The following ZNF214 variants were observed in gnomAD, a reference collection of about 807,000 sequenced individuals.
ZNF214 encodes the protein zinc finger protein 214.
Under a neutral mutation model 53.9 loss-of-function variants are expected in ZNF214, and 43 were observed. That is an observed-to-expected ratio of 0.80 (90% CI 0.63 to 1.03). The LOEUF (loss-of-function observed/expected upper bound fraction) is 1.03, where lower values mean the gene tolerates loss of function less well. ZNF214 is among the 50% of genes least tolerant of loss of function. ZNF214 has a pLI of 0.00. For synonymous variants in ZNF214, 217 were observed against 229.5 expected (o/e 0.95, Z 0.49); for missense variants, 724 against 719.1 (o/e 1.01, Z -0.08).
rs1347189662 is a variant in ZNF214, at chr11:7,014,828, A to C, written c.-21+5245T>G. Among the ~76,000 whole-genome samples, 4 of 151,354 alleles carry C rather than the reference A, an allele frequency of 2.6e-5. No homozygotes were observed. The East Asian group carries it at 7.8e-4, about 29-fold the overall frequency. ...ACAAAAAAAAAAAAAAACAAAAAAA[A>C]AACACTACCCAGGAGGTGGAGGTTG... On this transcript the variant is annotated intron_variant, in intron 1 of 2. Coordinates refer to ENST00000278314, the MANE Select transcript of ZNF214 (RefSeq NM_013249.4).
At chr11:7,006,103 G>A (rs1396175738) in intron 1 of ZNF214, among the ~76,000 whole-genome samples, 1 of 151,966 alleles carries the variant, frequency 6.6e-6, no homozygotes, top group African/African-American at 2.4e-5. Context: ...TCTTTTCGAT[G>A]TGCAAGATTC....
At chr11:7,009,390 C>T (rs1851553588) in intron 1 of ZNF214, among the ~76,000 whole-genome samples, 1 of 152,160 alleles carries the variant, frequency 6.6e-6, no homozygotes. Context: ...AAGATTGAAA[C>T]TAGACCCCTT....
chr11:7,014,951 TC>T (rs1459959950), intron 1 of ZNF214, among the ~76,000 whole-genome samples: 1 of 151,996 alleles, frequency 6.6e-6, no homozygotes, highest in Non-Finnish European at 1.5e-5. Flanking sequence ...ATGGTGAGTG[TC>T]CGTGTTATTA....
chr11:7,014,804 C>CAAAAAAAAAAAAAAAAAAAAAAAA (rs1280725156), intron 1 of ZNF214, among the ~76,000 whole-genome samples: 1 of 64,234 alleles, frequency 1.6e-5, no homozygotes, highest in Non-Finnish European at 3.5e-5. Context: ...CTGTCTCTAA[C>CAAAAAAAAAAAAAAAAAAAAAAAA]AAAAAAAAAA....
At chr11:7,003,178 A>G (rs2133386835) in intron 1 of ZNF214, among the ~76,000 whole-genome samples, 1 of 152,168 alleles carries the variant, frequency 6.6e-6, no homozygotes, top group Non-Finnish European at 1.5e-5. Context: ...AGATAAATAT[A>G]TGTATTAAAA....
At chr11:7,015,087 GA>G (rs1851729077) in intron 1 of ZNF214, among the ~76,000 whole-genome samples, 4 of 118,960 alleles carry the variant, frequency 3.4e-5, no homozygotes, top group African/African-American at 1.2e-4. Context: ...ATAATAATTA[GA>G]ATTTTTTTTT....
At chr11:7,018,545 A>G (rs1235077980) in intron 1 of ZNF214, among the ~76,000 whole-genome samples, 2 of 110,820 alleles carry the variant, frequency 1.8e-5, no homozygotes, top group African/African-American at 7.1e-5. Flanking sequence ...TCTGTTGCCC[A>G]GGTTGGAGTG....
At position 6,998,348 on chromosome 11, in the gene ZNF214, TTCTTAATG is replaced by T. The variant is rs1216777370; in HGVS notation, c.*1506_*1513del. Reference sequence around the variant, plus strand: ...CATATACTTTTAACTCAGAGAAAGTTTCTTAATGTCTTTGATCATTGATTCTATGCCAA... The same window carrying T: ...CATATACTTTTAACTCAGAGAAAGTTTCTTTGATCATTGATTCTATGCCAA... On this transcript the variant is annotated 3_prime_UTR_variant, in exon 3 of 3. Transcript: ENST00000278314. 1.3e-5 allele frequency among the ~76,000 whole-genome samples: 2 copies of T among 151,970 alleles called. No individual in the cohort carries two copies. Among genetic ancestry groups the T allele is most frequent in the African/African-American group, 2.4e-5 (1 of 41,422 alleles).
chr11:6,998,077 ATT>A lies in ZNF214; in HGVS notation c.*1783_*1784del, dbSNP rs139911149. On this transcript the variant is annotated 3_prime_UTR_variant, in exon 3 of 3. Coordinates refer to ENST00000278314, the MANE Select transcript of ZNF214 (RefSeq NM_013249.4). ...CACTGTTTTCTTGCTTATCAAAAATATTTGTTTCCTGCACATATGAAAGACAC... is the reference window on the plus strand; with the variant it reads ...CACTGTTTTCTTGCTTATCAAAAATATGTTTCCTGCACATATGAAAGACAC... 3.0e-3 allele frequency among the ~76,000 whole-genome samples: 459 copies of A among 152,034 alleles called. 4 individuals carry two copies. The highest frequency in any genetic ancestry group is 4.1e-3 in the Non-Finnish European group (276 of 67,882).
rs1176601581 is a variant in ZNF214, at chr11:6,997,256, A to G, written c.*2606T>C. ...AATTAGTGCACTTTTCACCTTTAAAAACATATTGTAGGTACTCCTTTATGT... is the reference window on the plus strand; with the variant it reads ...AATTAGTGCACTTTTCACCTTTAAAGACATATTGTAGGTACTCCTTTATGT... On this transcript the variant is annotated 3_prime_UTR_variant, in exon 3 of 3. Coordinates refer to ENST00000278314, the MANE Select transcript of ZNF214 (RefSeq NM_013249.4). Among the ~76,000 whole-genome samples, 3 of 151,868 alleles carry G rather than the reference A, an allele frequency of 2.0e-5. No homozygotes were observed. Among genetic ancestry groups the G allele is most frequent in the African/African-American group, 7.2e-5 (3 of 41,400 alleles).
chr11:7,002,984 G>C, intron 1 of ZNF214, 129 bp from the exon 2 acceptor site: 1 of 801,198 alleles, frequency 1.2e-6, no homozygotes, highest in Non-Finnish European at 1.8e-6. Context: ...GTAAGGAGAG[G>C]TAATAACAAT....
chr11:7,015,436 G>A (rs1851739716), intron 1 of ZNF214, among the ~76,000 whole-genome samples: 1 of 152,240 alleles, frequency 6.6e-6, no homozygotes, highest in South Asian at 2.1e-4. Flanking sequence ...AAATTAGCCA[G>A]ATGTGGGGCT....
rs1416713090 is a variant in ZNF214, at chr11:7,000,724, T to C, written c.959A>G (p.Asn320Ser). 8 of 1,610,386 alleles carry C rather than the reference T, an allele frequency of 5.0e-6. No individual in the cohort carries two copies. The highest frequency in any genetic ancestry group is 1.1e-5 in the South Asian group (1 of 90,864). ...CTCTTCTGTGTGGACTCTTTGATGA[T>C]TGTGAAGACTAGAGATCTGGCTGAA... ...KSFSQISSLHNHQRVHTEEKF... is the reference protein window; with the variant it reads ...KSFSQISSLHSHQRVHTEEKF... The change falls in exon 3 of 3, where the codon AAT becomes AGT. Residue 320 changes from asparagine (N) to serine (S), a missense_variant. Coordinates refer to ENST00000278314, the MANE Select transcript of ZNF214 (RefSeq NM_013249.4).
chr11:7,002,996 G>T, intron 1 of ZNF214, 141 bp from the exon 2 acceptor site: 1 of 651,454 alleles, frequency 1.5e-6, no homozygotes, highest in East Asian at 3.3e-5. Context: ...AATAACAATA[G>T]TAGTTAAATA....
At chr11:7,004,912 T>C (rs1400543407) in intron 1 of ZNF214, among the ~76,000 whole-genome samples, 2 of 152,106 alleles carry the variant, frequency 1.3e-5, no homozygotes. Context: ...GAGATAATGT[T>C]TGCTGTTTTA....
intron 2 of ZNF214, among the ~76,000 whole-genome samples, 157 bp downstream of exon 2, chr11:7,002,552 T>C (rs964447768): frequency 6.6e-6 from 1 of 152,026 alleles, no homozygotes; most frequent in Non-Finnish European, 1.5e-5. Flanking sequence ...TCCTGGAATC[T>C]GTCTTGCTTT....
In ZNF214 at chr11:6,997,610, T is replaced by G. The variant is rs2133371446; in HGVS notation, c.*2252A>C. Among the ~76,000 whole-genome samples, 1 of 150,882 alleles carries G rather than the reference T, an allele frequency of 6.6e-6. No homozygotes were observed. The highest frequency in any genetic ancestry group is 2.4e-5 in the African/African-American group (1 of 41,264). ...TAAAAAAAAAAAAAAAAGGCCTTTC[T>G]TAAATTGTCATTCAAAAAGAAAATG... On this transcript the variant is annotated 3_prime_UTR_variant, in exon 3 of 3. Coordinates refer to ENST00000278314, the MANE Select transcript of ZNF214 (RefSeq NM_013249.4).
intron 2 of ZNF214, among the ~76,000 whole-genome samples, chr11:7,002,060 G>A (rs369365282): frequency 1.4e-4 from 22 of 151,976 alleles, no homozygotes; most frequent in African/African-American, 2.7e-4. Flanking sequence ...CACAATTTGC[G>A]TTGGTAACTG....
Position 7,001,133 on chromosome 11 carries a change from G to A in ZNF214, c.550C>T (p.Leu184Phe). Residue 184 changes from leucine to phenylalanine, a missense_variant, in exon 3 of 3, where the codon CTC becomes TTC. By Grantham distance (22) the Leu-to-Phe change is conservative (BLOSUM62 0). Transcript: ENST00000278314. Reference sequence around the variant, plus strand: ...GGGATATAAGAATGCTGAACTATGAGCTTCTGTTCTTTTTCCATGGAGAGG... The same window carrying A: ...GGGATATAAGAATGCTGAACTATGAACTTCTGTTCTTTTTCCATGGAGAGG... ...KNLSMEKEQK[L>F]IVQHSYIPVE... 1.9e-6 allele frequency: 3 copies of A among 1,613,348 alleles called. No homozygotes were observed. Among genetic ancestry groups the A allele is most frequent in the Non-Finnish European group, 2.5e-6 (3 of 1,179,564 alleles).
Sources: gnomAD v4.1 joint callset for allele counts (sites outside exome capture counted in the v4.1 genomes callset) on GRCh38, gnomAD v4.1.1 for gene constraint, MANE v1.5 for transcripts, NCBI Gene and HGNC (gene_info 2026-07-23, HGNC 2026-07-21) for gene names.